SLC12A2: variants seen among roughly 807,000 people sequenced by gnomAD.
The protein encoded by SLC12A2 is Na-K-2Cl cotransporter 1.
SLC12A2 carries 67 observed loss-of-function variants against 136.3 expected under a neutral mutation model. The observed-to-expected ratio is 0.49, with a 90% CI of 0.40 to 0.60. SLC12A2 has a LOEUF of 0.60. Ranked by LOEUF, SLC12A2 falls within the 20% of genes least tolerant of loss-of-function variation. The pLI is 0.00. For missense variants in SLC12A2, 1,322 were observed against 1,534.7 expected (o/e 0.86, Z 2.32); for synonymous variants, 619 against 562.9 (o/e 1.10, Z -1.41).
chr5:128,087,184 T>G (rs1024881728), intron 1 of SLC12A2, among the ~76,000 whole-genome samples: 1 of 152,228 alleles, frequency 6.6e-6, no homozygotes, highest in African/African-American at 2.4e-5. Flanking sequence ...TAAATATCCT[T>G]GGTGCATCTT....
intron 4 of SLC12A2, among the ~76,000 whole-genome samples, chr5:128,121,539 G>A (rs530550749): frequency 6.6e-5 from 10 of 152,028 alleles, no homozygotes; most frequent in Admixed American, 6.6e-4. Flanking sequence ...AGCCAGGATG[G>A]TCTCGATCTC....
At chr5:128,178,194 A>G (rs1450951201) in intron 21 of SLC12A2, among the ~76,000 whole-genome samples, 1 of 152,228 alleles carries the variant, frequency 6.6e-6, no homozygotes, top group African/African-American at 2.4e-5. Context: ...AGTTTCACAG[A>G]ACAGGTATAA....
At chr5:128,155,368 A>G (rs905438630) in intron 15 of SLC12A2, among the ~76,000 whole-genome samples, 2 of 152,148 alleles carry the variant, frequency 1.3e-5, no homozygotes, top group Non-Finnish European at 2.9e-5. Context: ...TGCCTACCAC[A>G]TGCATGCATC....
chr5:128,104,678 GATA>G (rs1561658975), intron 1 of SLC12A2, among the ~76,000 whole-genome samples: 4 of 73,824 alleles, frequency 5.4e-5, no homozygotes, highest in African/African-American at 4.1e-4. Context: ...TAGATATATA[GATA>G]TAGATATAGA....
intron 9 of SLC12A2, among the ~76,000 whole-genome samples, chr5:128,139,972 T>C (rs906678931): frequency 1.3e-5 from 2 of 152,156 alleles, no homozygotes; most frequent in Non-Finnish European, 2.9e-5. Flanking sequence ...GTGAGCTGAA[T>C]TGCCTTTTTT....
Position 128,177,835 on chromosome 5 carries a change from A to G in SLC12A2, c.2977+683A>G, listed in dbSNP as rs76039256. 3.0e-3 allele frequency among the ~76,000 whole-genome samples: 450 copies of G among 152,180 alleles called. 2 individuals carry two copies. Among genetic ancestry groups the G allele is most frequent in the Admixed American group, 0.024 (369 of 15,282 alleles). ...AGTCATTTGCTTGCTCACAGAATCA[A>G]TGCTGTTTTTTGTTTTGTTTTAACT... On this transcript the variant is annotated intron_variant, in intron 21 of 26. Coordinates refer to ENST00000262461, the MANE Select transcript of SLC12A2 (RefSeq NM_001046.3).
intron 1 of SLC12A2, among the ~76,000 whole-genome samples, chr5:128,096,100 T>G (rs1760528034): frequency 6.6e-6 from 1 of 152,106 alleles, no homozygotes; most frequent in African/African-American, 2.4e-5. Flanking sequence ...GCTAGGTAGT[T>G]GACAGATGGA....
At chr5:128,172,177 G>A (rs1763397296) in intron 19 of SLC12A2, among the ~76,000 whole-genome samples, 1 of 152,058 alleles carries the variant, frequency 6.6e-6, no homozygotes, top group Non-Finnish European at 1.5e-5. Context: ...TCTATCTTCA[G>A]CAGACCTAAT....
At chr5:128,121,504 A>T (rs1164799574) in intron 4 of SLC12A2, among the ~76,000 whole-genome samples, 3 of 151,690 alleles carry the variant, frequency 2.0e-5, no homozygotes, top group African/African-American at 7.3e-5. Flanking sequence ...TTGTATTTTT[A>T]GTAGAGATGG....
intron 4 of SLC12A2, among the ~76,000 whole-genome samples, chr5:128,117,243 C>T (rs548746874): frequency 3.2e-4 from 49 of 152,156 alleles, no homozygotes; most frequent in Non-Finnish European, 6.2e-4. Flanking sequence ...TCAAAAGGAC[C>T]TAAGAGTCAA....
chr5:128,109,468 C>G lies in SLC12A2; in HGVS notation c.757-3346C>G, dbSNP rs1000436886. On this transcript the variant is annotated intron_variant, in intron 1 of 26. Transcript: ENST00000262461. ...TTCTTCATTTATCCATGGATCATTT[C>G]GAGAGTCCGTCTTGTAAATGTTTAG... The G allele has an allele frequency of 1.5e-5, 7 of 480,068 alleles. No individual in the cohort carries two copies. The East Asian group carries it at 3.1e-4, about 21-fold the overall frequency. The allele number at this position is 480,068 out of a possible 1,614,324, so 29.7% of individuals were successfully genotyped here.
intron 17 of SLC12A2, among the ~76,000 whole-genome samples, chr5:128,165,544 A>T (rs982616696): frequency 6.6e-6 from 1 of 152,138 alleles, no homozygotes; most frequent in African/African-American, 2.4e-5. Flanking sequence ...TCCAGAGAAA[A>T]CATATTTTCA....
intron 1 of SLC12A2, among the ~76,000 whole-genome samples, chr5:128,094,025 T>G (rs1191092917): frequency 1.3e-5 from 2 of 151,908 alleles, no homozygotes; most frequent in African/African-American, 4.8e-5. Context: ...CACTGTTAAC[T>G]TTCAGTTTAA....
intron 4 of SLC12A2, among the ~76,000 whole-genome samples, chr5:128,121,397 A>G (rs1336284912): frequency 1.3e-5 from 2 of 151,886 alleles, no homozygotes; most frequent in African/African-American, 4.8e-5. Flanking sequence ...ATCTCGGCTC[A>G]CTGCAAGCTC....
chr5:128,112,860 C>A lies in SLC12A2; in HGVS notation c.803C>A (p.Thr268Asn). ...GCAAATGGGGAAGAAAGTACTCCAA[C>A]CAGAGATGCTGTGGTCACGTATACT... ...GFANGEESTP[T>N]RDAVVTYTAE... Residue 268 changes from threonine to asparagine, a missense_variant, in exon 2 of 27, where the codon ACC becomes AAC. Physicochemically the swap from Thr to Asn is moderately conservative, Grantham distance 65. This residue lies in a region of SLC12A2 where 59 missense variants were observed against 51.5 expected (regional missense o/e 1.15). Coordinates refer to ENST00000262461, the MANE Select transcript of SLC12A2 (RefSeq NM_001046.3). 1.9e-6 allele frequency: 3 copies of A among 1,612,756 alleles called. No individual in the cohort carries two copies. Among genetic ancestry groups the A allele is most frequent in the Non-Finnish European group, 2.5e-6 (3 of 1,179,094 alleles).
At chr5:128,099,021 T>G (rs1760647780) in intron 1 of SLC12A2, among the ~76,000 whole-genome samples, 1 of 152,188 alleles carries the variant, frequency 6.6e-6, no homozygotes, top group African/African-American at 2.4e-5. Context: ...CTGACAAAAG[T>G]GCAGCTACAT....
chr5:128,151,444 G>C (rs1762697918), intron 14 of SLC12A2, 48 bp downstream of exon 14: 1 of 1,499,848 alleles, frequency 6.7e-7, no homozygotes, highest in South Asian at 1.3e-5. Flanking sequence ...ACATCTAGAA[G>C]CTAGAAAACA....
chr5:128,088,935 G>A (rs564626678), intron 1 of SLC12A2, among the ~76,000 whole-genome samples: 33 of 152,082 alleles, frequency 2.2e-4, no homozygotes, highest in Non-Finnish European at 3.8e-4. Flanking sequence ...TTGGGAGGCC[G>A]AGGCGGGTGG....
rs1472910319 is a variant in SLC12A2 at position 128,171,931 on chromosome 5, C to A, written c.2803+185C>A. 16 of 451,524 alleles carry A rather than the reference C, an allele frequency of 3.5e-5. No individual in the cohort carries two copies. In the East Asian group the frequency reaches 5.8e-4, roughly 16 times the overall value. 28.0% of individuals were successfully genotyped at this position (451,524 alleles called of 1,614,324 possible). A position where few individuals can be genotyped will look rare whatever the true frequency, so the allele number is the denominator to read the frequency against. On this transcript the variant is annotated intron_variant, in intron 19 of 26. Coordinates refer to ENST00000262461, the MANE Select transcript of SLC12A2 (RefSeq NM_001046.3). The stretch of plus-strand genomic sequence containing the variant: ...AGTTTGTGTTTTCTCGTTGTACCAA[C>A]CTGGATGATGGTTAGTGATTATTTG...
Sources: gnomAD v4.1 joint callset for allele counts (sites outside exome capture counted in the v4.1 genomes callset) on GRCh38, gnomAD v4.1.1 for gene constraint, gnomAD v4.1.1 regional missense constraint, MANE v1.5 for transcripts, NCBI Gene and HGNC (gene_info 2026-07-23, HGNC 2026-07-21) for gene names.